Variants in NRXN3 observed in about 807,000 individuals in gnomAD.
NRXN3 encodes the protein neurexin III.
Under a neutral mutation model 137.6 loss-of-function variants are expected in NRXN3, and 32 were observed. That is an observed-to-expected ratio of 0.23 (90% CI 0.18 to 0.31). NRXN3 has a LOEUF of 0.31. Ranked by LOEUF, NRXN3 falls within the 10% of genes least tolerant of loss-of-function variation. The pLI, the probability that NRXN3 is intolerant of heterozygous loss-of-function variation, is 1.00. For synonymous variants in NRXN3, 798 were observed against 784.5 expected (o/e 1.02, Z -0.29); for missense variants, 1,574 against 2,062.5 (o/e 0.76, Z 4.59).
At chr14:78,420,419 A>G (rs910808751) in intron 4 of NRXN3, among the ~76,000 whole-genome samples, 12 of 152,150 alleles carry the variant, frequency 7.9e-5, no homozygotes, top group African/African-American at 2.9e-4. Context: ...AGAGGATGTT[A>G]TAGAGAGGGA....
At chr14:79,629,402 C>T (rs1166160222) in intron 16 of NRXN3, among the ~76,000 whole-genome samples, 4 of 152,202 alleles carry the variant, frequency 2.6e-5, no homozygotes, top group Non-Finnish European at 5.9e-5. Context: ...GAAACACCTT[C>T]CTCAAGAGCA....
intron 15 of NRXN3, among the ~76,000 whole-genome samples, chr14:79,170,070 A>C (rs1471103490): frequency 6.6e-6 from 1 of 152,090 alleles, no homozygotes; most frequent in African/African-American, 2.4e-5. Flanking sequence ...CTTCTATTAC[A>C]CATTTTAAAA....
At chr14:79,358,918 GGGAAA>G (rs2093586126) in intron 15 of NRXN3, among the ~76,000 whole-genome samples, 2 of 152,142 alleles carry the variant, frequency 1.3e-5, no homozygotes, top group African/African-American at 2.4e-5. Context: ...TAGGGCAAAG[GGGAAA>G]AATGTTCATT....
intron 16 of NRXN3, among the ~76,000 whole-genome samples, chr14:79,562,078 T>C (rs2097503017): frequency 6.6e-6 from 1 of 152,166 alleles, no homozygotes; most frequent in Non-Finnish European, 1.5e-5. Flanking sequence ...CTGAAACATA[T>C]ATAAGTATCA....
intron 15 of NRXN3, among the ~76,000 whole-genome samples, chr14:79,339,396 A>G (rs1330612559): frequency 6.6e-6 from 1 of 152,212 alleles, no homozygotes; most frequent in Non-Finnish European, 1.5e-5. Flanking sequence ...ACCTTACTCC[A>G]AAGTAGGTGT....
intron 8 of NRXN3, among the ~76,000 whole-genome samples, chr14:78,727,408 G>A (rs1345949438): frequency 6.6e-6 from 1 of 152,166 alleles, no homozygotes; most frequent in East Asian, 1.9e-4. Context: ...TACATTTATG[G>A]TGGTGGTGGG....
chr14:78,906,742 G>T (rs1379097744), intron 10 of NRXN3, among the ~76,000 whole-genome samples: 1 of 151,988 alleles, frequency 6.6e-6, no homozygotes, highest in Non-Finnish European at 1.5e-5. Context: ...TCTCTGTTTG[G>T]TTTCTTCTTT....
intron 11 of NRXN3, among the ~76,000 whole-genome samples, chr14:78,959,010 G>T (rs1320054107): frequency 6.6e-6 from 1 of 152,100 alleles, no homozygotes; most frequent in Non-Finnish European, 1.5e-5. Flanking sequence ...TTTTAAAATT[G>T]ATATTCTATT....
intron 8 of NRXN3, among the ~76,000 whole-genome samples, chr14:78,750,224 A>G (rs1398292972): frequency 6.6e-6 from 1 of 152,250 alleles, no homozygotes; most frequent in Non-Finnish European, 1.5e-5. Context: ...GTTTGAGAAC[A>G]GCACCTTTGT....
intron 20 of NRXN3, among the ~76,000 whole-genome samples, chr14:79,823,720 G>T (rs1056965269): frequency 6.6e-6 from 1 of 152,098 alleles, no homozygotes; most frequent in African/African-American, 2.4e-5. Flanking sequence ...ATTTAGATAC[G>T]GAAGCTTCGC....
chr14:78,851,449 G>A (rs2099042361), intron 10 of NRXN3, among the ~76,000 whole-genome samples: 1 of 152,128 alleles, frequency 6.6e-6, no homozygotes, highest in Non-Finnish European at 1.5e-5. Context: ...TAGAGAGTGT[G>A]GCCTAGATCT....
chr14:79,292,389 A>G (rs1210043520), intron 15 of NRXN3, among the ~76,000 whole-genome samples: 1 of 152,132 alleles, frequency 6.6e-6, no homozygotes, highest in African/African-American at 2.4e-5. Flanking sequence ...CGTTTTTTTC[A>G]GGAAGTTTCT....
chr14:79,692,241 G>T lies in NRXN3; in HGVS notation c.3685G>T (p.Glu1229Ter). Residue 1229 changes from glutamate (E) to a stop codon, truncating the protein, a stop_gained, in exon 18 of 21, where the codon GAG (glutamate) becomes TAG (stop). Transcript: ENST00000335750. LOFTEE classifies it high-confidence loss of function. ...KIPFKYNRPVEEWLQEKGRQL... is the reference protein window; with the variant it reads ...KIPFKYNRPV Reference sequence around the variant, plus strand: ...CCCCTTCAAATATAATCGGCCTGTAGAGGAGTGGCTGCAGGAAAAAGGTAA... The same window carrying T: ...CCCCTTCAAATATAATCGGCCTGTATAGGAGTGGCTGCAGGAAAAAGGTAA... 6.2e-7 allele frequency: 1 copy of T among 1,609,078 alleles called. No individual in the cohort carries two copies. The highest frequency in any genetic ancestry group is 1.7e-5 in the Admixed American group (1 of 59,428).
intron 15 of NRXN3, among the ~76,000 whole-genome samples, chr14:78,990,214 A>G (rs751123076): frequency 4.6e-5 from 7 of 152,194 alleles, no homozygotes; most frequent in African/African-American, 1.4e-4. Flanking sequence ...TTCTGTAACA[A>G]TGCAGCTAAA....
chr14:79,552,903 T>C (rs1043731890), intron 16 of NRXN3, among the ~76,000 whole-genome samples: 1 of 150,262 alleles, frequency 6.7e-6, no homozygotes, highest in Non-Finnish European at 1.5e-5. Flanking sequence ...GGTAGAGACT[T>C]CTTCTTATCT....
chr14:78,254,816 C>T (rs891377025), intron 2 of NRXN3, among the ~76,000 whole-genome samples: 2 of 152,080 alleles, frequency 1.3e-5, no homozygotes, highest in East Asian at 3.9e-4. Context: ...CGCTAAAAGG[C>T]CTAGTAGTAT....
At chr14:79,178,855 G>A (rs1020963358) in intron 15 of NRXN3, among the ~76,000 whole-genome samples, 4 of 152,192 alleles carry the variant, frequency 2.6e-5, no homozygotes, top group African/African-American at 9.7e-5. Flanking sequence ...ATGTCATTGA[G>A]TCAGCAGCTT....
At chr14:79,280,151 A>C in intron 15 of NRXN3, 6 of 1,481,236 alleles carry the variant, frequency 4.1e-6, no homozygotes, top group Non-Finnish European at 5.3e-6. Context: ...CATTGTTTGG[A>C]AAGCGCATAT....
chr14:79,519,768 C>CTTTTTT (rs200757761), intron 16 of NRXN3, among the ~76,000 whole-genome samples: 2 of 119,396 alleles, frequency 1.7e-5, no homozygotes, highest in Admixed American at 8.6e-5. Flanking sequence ...AATAGTATTT[C>CTTTTTT]TTTTTTTTTT....
Sources: gnomAD v4.1 joint callset for allele counts (sites outside exome capture counted in the v4.1 genomes callset) on GRCh38, gnomAD v4.1.1 for gene constraint, MANE v1.5 for transcripts, NCBI Gene and HGNC (gene_info 2026-07-23, HGNC 2026-07-21) for gene names.